NCS1: variants seen among roughly 807,000 people sequenced by gnomAD.
NCS1 encodes frequenin homolog.
NCS1 carries 6 observed loss-of-function variants against 28.4 expected under a neutral mutation model. The observed-to-expected ratio is 0.21, with a 90% confidence interval of 0.12 to 0.42. The LOEUF is 0.42. Among genes scored for constraint, NCS1 ranks in the 10% least tolerant of loss-of-function variants. The probability of loss-of-function intolerance (pLI) is 1.00; values close to 1 mark genes in which losing one functional copy is unlikely to be tolerated. For synonymous variants in NCS1, 86 were observed against 99.3 expected (o/e 0.87, Z 0.79); for missense variants, 131 against 241.4 (o/e 0.54, Z 3.03).
rs1379897775 is a variant in NCS1 at position 130,177,251 on chromosome 9, TGGGGCC to T, written c.64+4525_64+4530del. Among the ~76,000 whole-genome samples, 3 of 152,182 alleles carry T rather than the reference TGGGGCC, an allele frequency of 2.0e-5. No homozygotes were observed. Among genetic ancestry groups the T allele is most frequent in the Non-Finnish European group, 4.4e-5 (3 of 68,018 alleles). ...GGGTGTCTCTGGTTGTGGACTGTCC[TGGGGCC>T]CATGAGGGCCCCTTCCTCTAGGGTG... On this transcript the variant is annotated intron_variant, in intron 1 of 7. Coordinates refer to ENST00000372398, the MANE Select transcript of NCS1 (RefSeq NM_014286.4). This position sits in a 1 kb window ranked among gnomAD's most constrained non-coding sequence, Gnocchi z 4.4.
chr9:130,229,680 T>A (rs1391942278), intron 7 of NCS1, among the ~76,000 whole-genome samples: 3 of 152,228 alleles, frequency 2.0e-5, no homozygotes, highest in African/African-American at 7.2e-5. Flanking sequence ...ATGACAAGCT[T>A]GTCAAAGTGA....
intron 2 of NCS1, among the ~76,000 whole-genome samples, chr9:130,210,353 C>A (rs1201011743): frequency 6.9e-6 from 1 of 145,252 alleles, no homozygotes; most frequent in East Asian, 2.0e-4. Context: ...GAGTGTAGAT[C>A]GTGCCCCTGT....
At chr9:130,174,179 G>A (rs1832530388) in intron 1 of NCS1, among the ~76,000 whole-genome samples, 1 of 152,366 alleles carries the variant, frequency 6.6e-6, no homozygotes, top group African/African-American at 2.4e-5. Flanking sequence ...GCCGCCAGCA[G>A]GTGGACTTCC....
At chr9:130,201,076 A>C in intron 2 of NCS1, 94 bp downstream of exon 2, 1 of 1,545,810 alleles carries the variant, frequency 6.5e-7, no homozygotes, top group Non-Finnish European at 8.9e-7. Flanking sequence ...GCTGCTCAGG[A>C]TGGGGGCATG....
intron 2 of NCS1, among the ~76,000 whole-genome samples, chr9:130,211,033 T>G (rs1833106463): frequency 7.2e-6 from 1 of 138,302 alleles, no homozygotes; most frequent in East Asian, 2.1e-4. Context: ...TTTTTTTTTG[T>G]AGAGAGATGG....
In NCS1 at chr9:130,237,258, CG is replaced by C; in HGVS notation, c.*4287del. On this transcript the variant is annotated 3_prime_UTR_variant, in exon 8 of 8. Transcript: ENST00000372398. ...GCCTCCCCAAGCTCCTGCTGTATGT[CG>C]TCCATGTCACGCCAATTAAACACGC... is the stretch of plus-strand genomic sequence containing the variant. The C allele has an allele frequency of 6.6e-6, 1 of 152,292 alleles. No individual in the cohort carries two copies. The highest frequency in any genetic ancestry group is 1.5e-5 in the Non-Finnish European group (1 of 68,118). The allele number at this position is 152,292 out of a possible 1,614,324, so 9.4% of individuals were successfully genotyped here. A position where few individuals can be genotyped will look rare whatever the true frequency, so the allele number is the denominator to read the frequency against.
Position 130,226,275 on chromosome 9 carries a change from G to C in NCS1, c.475-114G>C. On this transcript the variant is annotated intron_variant, in intron 6 of 7. Transcript: ENST00000372398. The surrounding 1 kb of genome is among the most constrained non-coding windows in gnomAD (Gnocchi z 4.8). ...CTGCTTGTAGGCCCTGAGCCACGTT[G>C]CCTCCCTCCTGATCTAACCTTGGAA... 1 of 844,854 alleles carries C rather than the reference G, an allele frequency of 1.2e-6. No homozygotes were observed. The highest frequency in any genetic ancestry group is 1.4e-5 in the South Asian group (1 of 70,942). The allele number at this position is 844,854 out of a possible 1,614,324, so 52.3% of individuals were successfully genotyped here. A position where few individuals can be genotyped will look rare whatever the true frequency, so the allele number is the denominator to read the frequency against.
rs1447481131 is a variant in NCS1, at chr9:130,215,240, G to A, written c.90-2592G>A. On this transcript the variant is annotated intron_variant, in intron 2 of 7. Coordinates refer to ENST00000372398, the MANE Select transcript of NCS1 (RefSeq NM_014286.4). This position sits in a 1 kb window ranked among gnomAD's most constrained non-coding sequence, Gnocchi z 4.2. ...TGCCCAGGGGCCCATCCTGGCCTGG[G>A]AGTCTGGAGTCATGGGCCAGGCTGA... is the stretch of plus-strand genomic sequence containing the variant. 6.6e-6 allele frequency among the ~76,000 whole-genome samples: 1 copy of A among 152,194 alleles called. No homozygotes were observed. The highest frequency in any genetic ancestry group is 1.5e-5 in the Non-Finnish European group (1 of 68,040).
intron 1 of NCS1, among the ~76,000 whole-genome samples, chr9:130,193,170 G>A (rs534705029): frequency 6.6e-6 from 1 of 152,226 alleles, no homozygotes; most frequent in African/African-American, 2.4e-5. Flanking sequence ...TTGGGGCAGA[G>A]CACCCTATTC....
chr9:130,211,010 AT>A (rs34425557), intron 2 of NCS1, among the ~76,000 whole-genome samples: 122 of 92,378 alleles, frequency 1.3e-3, no homozygotes, highest in African/African-American at 2.9e-3. Flanking sequence ...GGCTCCACTA[AT>A]TTTTTTTTTT....
chr9:130,175,355 C>T lies in NCS1; in HGVS notation c.64+2628C>T, dbSNP rs1448085243. Among the ~76,000 whole-genome samples the T allele has an allele frequency of 2.6e-5, 4 of 152,132 alleles. No individual in the cohort carries two copies. The highest frequency in any genetic ancestry group is 1.3e-4 in the Admixed American group (2 of 15,268). On this transcript the variant is annotated intron_variant, in intron 1 of 7. Transcript: ENST00000372398. This position sits in a 1 kb window ranked among gnomAD's most constrained non-coding sequence, Gnocchi z 4.9. The stretch of plus-strand genomic sequence containing the variant: ...ATTCTGTGTATGGGGTCAAGAGAAG[C>T]GCCCCAGGAAGGACTCTCAAATGTC...
intron 2 of NCS1, among the ~76,000 whole-genome samples, chr9:130,208,468 G>A (rs540716967): frequency 6.6e-6 from 1 of 152,028 alleles, no homozygotes; most frequent in South Asian, 2.1e-4. Flanking sequence ...TAGTAGAGAC[G>A]GGGGTTTCAC....
At chr9:130,208,411 T>A (rs947513067) in intron 2 of NCS1, among the ~76,000 whole-genome samples, 1 of 151,998 alleles carries the variant, frequency 6.6e-6, no homozygotes, top group Non-Finnish European at 1.5e-5. Flanking sequence ...CCCGAGTAGC[T>A]GGGATTACAG....
chr9:130,203,063 T>C (rs1172779705), intron 2 of NCS1, among the ~76,000 whole-genome samples: 1 of 151,100 alleles, frequency 6.6e-6, no homozygotes, highest in Admixed American at 6.6e-5. Flanking sequence ...TGTGTGTGTG[T>C]GTGTGTGTGT....
In NCS1 at chr9:130,177,903, T is replaced by G. The variant is rs1832597228; in HGVS notation, c.64+5176T>G. 6.6e-6 allele frequency among the ~76,000 whole-genome samples: 1 copy of G among 152,200 alleles called. No homozygotes were observed. Among genetic ancestry groups the G allele is most frequent in the Admixed American group, 6.5e-5 (1 of 15,278 alleles). On this transcript the variant is annotated intron_variant, in intron 1 of 7. Coordinates refer to ENST00000372398, the MANE Select transcript of NCS1 (RefSeq NM_014286.4). The surrounding 1 kb of genome is among the most constrained non-coding windows in gnomAD (Gnocchi z 4.4). Reference sequence around the variant, plus strand: ...TGGCCCCTTCCTTGGGCAAACCTCCTCTCACCGGCTTCACTTTCCGCCTCT... The same window carrying G: ...TGGCCCCTTCCTTGGGCAAACCTCCGCTCACCGGCTTCACTTTCCGCCTCT...
At chr9:130,189,404 T>A (rs1832784872) in intron 1 of NCS1, among the ~76,000 whole-genome samples, 1 of 152,188 alleles carries the variant, frequency 6.6e-6, no homozygotes. Context: ...CTTCAGTGCC[T>A]TCCACAATGT....
At chr9:130,199,287 G>A (rs1308093671) in intron 1 of NCS1, among the ~76,000 whole-genome samples, 1 of 152,166 alleles carries the variant, frequency 6.6e-6, no homozygotes, top group Non-Finnish European at 1.5e-5. Flanking sequence ...TAGAGATGGG[G>A]TTTCACCGCT....
chr9:130,172,824 C>G (rs1832503465), intron 1 of NCS1, 97 bp downstream of exon 1: 2 of 592,728 alleles, frequency 3.4e-6, no homozygotes, highest in Non-Finnish European at 4.9e-6. Flanking sequence ...CCGCTCCGCG[C>G]TGCCGCCTCC....
chr9:130,174,807 A>AG (rs55921242), intron 1 of NCS1, among the ~76,000 whole-genome samples: 2 of 150,392 alleles, frequency 1.3e-5, no homozygotes, highest in Non-Finnish European at 3.0e-5. Context: ...AAAAAAAAAA[A>AG]GCTCTGCTGG....
Sources: allele counts gnomAD v4.1 joint callset (sites outside exome capture counted in the v4.1 genomes callset), GRCh38; gene constraint gnomAD v4.1.1; non-coding constraint Gnocchi (gnomAD v3.1); transcripts MANE v1.5; gene names NCBI Gene and HGNC (gene_info 2026-07-23, HGNC 2026-07-21).